The following SNAPC3 variants were observed in gnomAD, a reference collection of about 807,000 sequenced individuals.
SNAPC3 encodes the protein snRNA-activating protein complex subunit 3.
In SNAPC3, 56 loss-of-function variants were observed where a neutral mutation model predicts 47.7. The ratio of observed to expected loss-of-function variants is 1.18; its 90% CI spans 0.95 to 1.47. SNAPC3 has a LOEUF of 1.47. Ranked by LOEUF, SNAPC3 falls within the 40% of genes most tolerant of loss-of-function variation. The pLI is 0.00. For missense variants in SNAPC3, 665 were observed against 511.3 expected, an observed-to-expected ratio of 1.30 and a Z score of -2.90; for synonymous variants, 235 against 189.9, an observed-to-expected ratio of 1.24 and a Z score of -1.95.
intron 5 of SNAPC3, among the ~76,000 whole-genome samples, chr9:15,448,582 T>C (rs1035548084): frequency 6.6e-6 from 1 of 152,326 alleles, no homozygotes; most frequent in Non-Finnish European, 1.5e-5. Context: ...CAGTGTAATG[T>C]GTGTCCGTCT....
In SNAPC3 at chr9:15,422,932, A is replaced by G; in HGVS notation, c.53A>G (p.Gln18Arg). The change falls in exon 1 of 9, where the codon CAG becomes CGG. Residue 18 changes from glutamine to arginine, a missense_variant. Coordinates refer to ENST00000380821, the MANE Select transcript of SNAPC3 (RefSeq NM_001039697.2). ...ACGTGTAGCGGGGTGGGTGGCAGGC[A>G]GGACCCAGTCTCCGGCAGTGGCGGC... ...GPTCSGVGGR[Q>R]DPVSGSGGCN... is the part of the protein sequence containing the mutation. The G allele has an allele frequency of 6.5e-7, 1 of 1,538,566 alleles. No homozygotes were observed. The highest frequency in any genetic ancestry group is 1.2e-5 in the South Asian group (1 of 82,842).
intron 3 of SNAPC3, among the ~76,000 whole-genome samples, chr9:15,434,871 A>G (rs1353070686): frequency 6.6e-6 from 1 of 152,116 alleles, no homozygotes; most frequent in Non-Finnish European, 1.5e-5. Flanking sequence ...TCTTTTGGCT[A>G]TTGCGAATAA....
intron 3 of SNAPC3, among the ~76,000 whole-genome samples, chr9:15,441,979 G>C (rs1372682155): frequency 4.6e-5 from 7 of 152,096 alleles, no homozygotes; most frequent in Non-Finnish European, 7.4e-5. Flanking sequence ...GCCAGGCAGA[G>C]GCGCCCCCCC....
At chr9:15,454,623 T>C (rs1251165036) in intron 7 of SNAPC3, among the ~76,000 whole-genome samples, 2 of 152,188 alleles carry the variant, frequency 1.3e-5, no homozygotes, top group Non-Finnish European at 2.9e-5. Context: ...GGGGACTGAA[T>C]TCGTGACAGG....
At chr9:15,454,585 C>G (rs753903853) in intron 7 of SNAPC3, among the ~76,000 whole-genome samples, 2 of 152,150 alleles carry the variant, frequency 1.3e-5, no homozygotes, top group South Asian at 2.1e-4. Flanking sequence ...GGTAGACTCC[C>G]GGTTGTTCAC....
intron 2 of SNAPC3, among the ~76,000 whole-genome samples, chr9:15,431,289 G>C (rs545587583): frequency 6.6e-6 from 1 of 152,108 alleles, no homozygotes; most frequent in Non-Finnish European, 1.5e-5. Context: ...TCTCCAGCTC[G>C]TCTGGATCTC....
chr9:15,428,943 A>G (rs762156845), intron 2 of SNAPC3, among the ~76,000 whole-genome samples: 58 of 152,172 alleles, frequency 3.8e-4, no homozygotes, highest in Middle Eastern at 3.2e-3. Context: ...GTTTAAAAAC[A>G]TAATCCAGCA....
chr9:15,442,871 C>T (rs946293230), intron 3 of SNAPC3, among the ~76,000 whole-genome samples: 14 of 152,306 alleles, frequency 9.2e-5, no homozygotes, highest in African/African-American at 2.6e-4. Context: ...TGCACTCCAG[C>T]CTGGGCAACA....
chr9:15,422,923 G>T lies in SNAPC3; in HGVS notation c.44G>T (p.Gly15Val), dbSNP rs776689417. ...SRGGPTCSGV[G>V]GRQDPVSGSG... ...GGTGGCCCTACGTGTAGCGGGGTGG[G>T]TGGCAGGCAGGACCCAGTCTCCGGC... Residue 15 changes from glycine (G) to valine (V), a missense_variant, in exon 1 of 9, where the codon GGT (glycine) becomes GTT (valine). Physicochemically the swap from Gly to Val is moderately radical, Grantham distance 109. Transcript: ENST00000380821. The T allele has an allele frequency of 5.1e-5, 78 of 1,537,336 alleles. No individual in the cohort carries two copies. The South Asian group carries it at 9.0e-4, about 18-fold the overall frequency.
Position 15,423,100 on chromosome 9 carries a change from G to C in SNAPC3, c.221G>C (p.Ser74Thr), listed in dbSNP as rs1356342159. The C allele has an allele frequency of 3.9e-6, 6 of 1,547,740 alleles. No homozygotes were observed. The highest frequency in any genetic ancestry group is 4.5e-5 in the Admixed American group (2 of 44,254). Reference protein sequence around the residue: ...REPPASALPGSQAADSDREDA... With the variant: ...REPPASALPGTQAADSDREDA... ...CCGCCGGCATCCGCTCTGCCTGGGA[G>C]CCAGGCAGCTGACTCCGACCGGGAG... The change falls in exon 1 of 9, where the codon AGC becomes ACC. Residue 74 changes from serine (S) to threonine (T), a missense_variant. By Grantham distance (58) the Ser-to-Thr change is moderately conservative (BLOSUM62 1). Coordinates refer to ENST00000380821, the MANE Select transcript of SNAPC3 (RefSeq NM_001039697.2).
intron 3 of SNAPC3, among the ~76,000 whole-genome samples, chr9:15,441,591 A>G (rs2033387731): frequency 6.6e-6 from 1 of 151,600 alleles, no homozygotes; most frequent in African/African-American, 2.4e-5. Context: ...GGGAGTGGTG[A>G]TGACTCTTAA....
intron 8 of SNAPC3, among the ~76,000 whole-genome samples, chr9:15,459,049 G>A (rs959692150): frequency 1.2e-4 from 18 of 151,840 alleles, no homozygotes; most frequent in Admixed American, 8.5e-4. Flanking sequence ...GTTTGTTTTC[G>A]CCACCCCACC....
rs550462026 is a variant in SNAPC3, at chr9:15,442,670, G to A, written c.478-1932G>A. Among the ~76,000 whole-genome samples the A allele has an allele frequency of 8.2e-4, 124 of 151,748 alleles. No individual in the cohort carries two copies. In the Middle Eastern group the frequency reaches 0.01, roughly 12 times the overall value. On this transcript the variant is annotated intron_variant, in intron 3 of 8. Transcript: ENST00000380821. ...GACGAGATGGCGGCCAGGAAGAGACGCTCCGCACTTCCCAGACTGGGCAGC... is the reference window on the plus strand; with the variant it reads ...GACGAGATGGCGGCCAGGAAGAGACACTCCGCACTTCCCAGACTGGGCAGC...
chr9:15,440,793 C>CA (rs1242975774), intron 3 of SNAPC3, among the ~76,000 whole-genome samples: 2 of 151,896 alleles, frequency 1.3e-5, no homozygotes, highest in East Asian at 3.9e-4. Context: ...ACTAAAAATA[C>CA]AAAAAATTAG....
intron 3 of SNAPC3, among the ~76,000 whole-genome samples, chr9:15,442,466 T>TCCTCACTTCTCAGACGGGGCGGCTGCC (rs2033537111): frequency 1.3e-5 from 2 of 149,832 alleles, no homozygotes; most frequent in East Asian, 2.0e-4. Context: ...GGGCGGCTGC[T>TCCTCACTTCTCAGACGGGGCGGCTGCC]GGGCGGAGGG....
chr9:15,456,073 C>T (rs2034768523), intron 7 of SNAPC3, among the ~76,000 whole-genome samples: 2 of 152,156 alleles, frequency 1.3e-5, no homozygotes, highest in African/African-American at 2.4e-5. Flanking sequence ...AGGGTTTCAC[C>T]ATGTTGGTCA....
At position 15,459,841 on chromosome 9, in the gene SNAPC3, ATGT is replaced by A. The variant is rs958512560; in HGVS notation, c.1214_1216del (p.Val405del). Reference sequence around the variant, plus strand: ...CTGGGGGAATTCCTTGCTTATCCTTATGTTGATCCTGGAACCTTTAATTAAGAA... The same window carrying A: ...CTGGGGGAATTCCTTGCTTATCCTTATGATCCTGGAACCTTTAATTAAGAA... On this transcript the variant is annotated inframe_deletion, in exon 9 of 9. Coordinates refer to ENST00000380821, the MANE Select transcript of SNAPC3 (RefSeq NM_001039697.2). 2 of 1,613,518 alleles carry A rather than the reference ATGT, an allele frequency of 1.2e-6. No individual in the cohort carries two copies. The highest frequency in any genetic ancestry group is 1.7e-6 in the Non-Finnish European group (2 of 1,179,786).
At chr9:15,462,428 T>TATTTC (rs1563858520), downstream of SNAPC3, 2 of 152,218 alleles carry the variant, frequency 1.3e-5, no homozygotes, top group Admixed American at 1.3e-4. Flanking sequence ...TAACTTTGTA[T>TATTTC]ATTTCTGGAG....
chr9:15,443,980 G>A (rs529974422), intron 3 of SNAPC3, among the ~76,000 whole-genome samples: 2 of 152,258 alleles, frequency 1.3e-5, no homozygotes, highest in South Asian at 4.1e-4. Context: ...GGTTGCTTCT[G>A]TTAGAGGGAC....
Sources: gnomAD v4.1 joint callset for allele counts (sites outside exome capture counted in the v4.1 genomes callset) on GRCh38, gnomAD v4.1.1 for gene constraint, MANE v1.5 for transcripts, NCBI Gene and HGNC (gene_info 2026-07-23, HGNC 2026-07-21) for gene names.